The following MAN1A2 variants were observed in gnomAD, a reference collection of about 807,000 sequenced individuals.
MAN1A2 encodes mannosyl-oligosaccharide 1,2-alpha-mannosidase IB.
In MAN1A2, 26 loss-of-function variants were observed where a neutral mutation model predicts 75.7. The observed-to-expected ratio is 0.34, with a 90% CI of 0.25 to 0.48. The LOEUF is 0.48. MAN1A2 is among the 20% of genes least tolerant of loss of function. The probability of loss-of-function intolerance (pLI) is 0.99; values close to 1 mark genes in which losing one functional copy is unlikely to be tolerated. For synonymous variants in MAN1A2, 247 were observed against 264.6 expected (o/e 0.93, Z 0.65); for missense variants, 562 against 775.5 (o/e 0.72, Z 3.27).
At chr1:117,504,941 C>T (rs549887402) in intron 12 of MAN1A2, among the ~76,000 whole-genome samples, 5 of 151,236 alleles carry the variant, frequency 3.3e-5, no homozygotes, top group Non-Finnish European at 7.4e-5. Flanking sequence ...AATAGTTTAG[C>T]CCATTATTGG....
intron 6 of MAN1A2, among the ~76,000 whole-genome samples, chr1:117,458,523 A>ATTTTTTTTTTTTTTTTTTTTTTTTTTTTT (rs5777311): frequency 9.5e-6 from 1 of 105,610 alleles, no homozygotes; most frequent in African/African-American, 3.5e-5. Flanking sequence ...ATATATATAT[A>ATTTTTTTTTTTTTTTTTTTTTTTTTTTTT]TTTTTTTTTT....
chr1:117,511,609 G>T (rs1042340061), intron 12 of MAN1A2, among the ~76,000 whole-genome samples: 1 of 151,968 alleles, frequency 6.6e-6, no homozygotes, highest in African/African-American at 2.4e-5. Context: ...TATTGAATTT[G>T]TTGATAAATT....
At chr1:117,470,619 A>G (rs1467072638) in intron 8 of MAN1A2, among the ~76,000 whole-genome samples, 1 of 152,050 alleles carries the variant, frequency 6.6e-6, no homozygotes, top group Non-Finnish European at 1.5e-5. Context: ...AGAAAGAGCT[A>G]TTCACTGGTT....
At chr1:117,446,625 TA>T (rs1174817911) in intron 6 of MAN1A2, among the ~76,000 whole-genome samples, 2 of 152,164 alleles carry the variant, frequency 1.3e-5, no homozygotes, top group Admixed American at 6.5e-5. Flanking sequence ...ATTTCTAATT[TA>T]ATTTCATTGT....
At chr1:117,475,219 G>A (rs1650279417) in intron 8 of MAN1A2, among the ~76,000 whole-genome samples, 1 of 151,868 alleles carries the variant, frequency 6.6e-6, no homozygotes, top group East Asian at 1.9e-4. Context: ...AGATGTGTAT[G>A]TTTAACTTTT....
At chr1:117,476,378 A>G (rs1047137588) in intron 8 of MAN1A2, among the ~76,000 whole-genome samples, 12 of 151,944 alleles carry the variant, frequency 7.9e-5, no homozygotes, top group Non-Finnish European at 1.5e-4. Context: ...CCCATTTGTC[A>G]GTTTGGGCTT....
chr1:117,447,046 G>T (rs527568873), intron 6 of MAN1A2, among the ~76,000 whole-genome samples: 2 of 152,134 alleles, frequency 1.3e-5, no homozygotes, highest in African/African-American at 4.8e-5. Context: ...TTTTTGTCTT[G>T]AAGTTTATCA....
chr1:117,417,137 A>G (rs1359641466), intron 4 of MAN1A2, among the ~76,000 whole-genome samples: 1 of 152,182 alleles, frequency 6.6e-6, no homozygotes, highest in Non-Finnish European at 1.5e-5. Flanking sequence ...CAACTCCCAT[A>G]TACCAAAGTA....
At chr1:117,402,130 G>C (rs1647451734) in intron 1 of MAN1A2, 56 bp from the exon 2 acceptor site, 2 of 1,513,158 alleles carry the variant, frequency 1.3e-6, no homozygotes, top group Non-Finnish European at 1.8e-6. Flanking sequence ...TATATTTAAA[G>C]GTTGACATTC....
chr1:117,393,974 C>G (rs1454967739), intron 1 of MAN1A2, among the ~76,000 whole-genome samples: 1 of 152,062 alleles, frequency 6.6e-6, no homozygotes, highest in Non-Finnish European at 1.5e-5. Context: ...TTACTGAGTA[C>G]CTGCTGTCTG....
intron 3 of MAN1A2, among the ~76,000 whole-genome samples, chr1:117,413,867 G>T (rs1056633854): frequency 1.3e-5 from 2 of 151,852 alleles, no homozygotes; most frequent in Non-Finnish European, 2.9e-5. Context: ...TGTACTACTA[G>T]ATTTTTTACT....
rs10923329 is a variant in MAN1A2, at chr1:117,513,849, A to G, written c.1794-8976A>G. 3.8e-3 allele frequency among the ~76,000 whole-genome samples: 582 copies of G among 152,268 alleles called. 6 individuals are homozygous for G. Among genetic ancestry groups the G allele is most frequent in the African/African-American group, 0.013 (553 of 41,552 alleles). On this transcript the variant is annotated intron_variant, in intron 12 of 12. Coordinates refer to ENST00000356554, the MANE Select transcript of MAN1A2 (RefSeq NM_006699.5). ...TCTTCTAGTTCTTCCTTTGCAAACAATTTTACTAAGCAAGTTATTCTTGAT... is the reference window on the plus strand; with the variant it reads ...TCTTCTAGTTCTTCCTTTGCAAACAGTTTTACTAAGCAAGTTATTCTTGAT...
chr1:117,406,117 T>C (rs1229746263), intron 3 of MAN1A2, among the ~76,000 whole-genome samples: 1 of 152,124 alleles, frequency 6.6e-6, no homozygotes, highest in Non-Finnish European at 1.5e-5. Context: ...TAAGGAAAAA[T>C]TAACAATGTG....
At chr1:117,373,729 A>G (rs1323978326) in intron 1 of MAN1A2, among the ~76,000 whole-genome samples, 2 of 152,102 alleles carry the variant, frequency 1.3e-5, no homozygotes, top group African/African-American at 4.8e-5. Flanking sequence ...CCTGTGTTCA[A>G]GTAATCCTTT....
rs943017369 is a variant in MAN1A2, at chr1:117,368,516, C to T, written c.302+31C>T. 3.9e-6 allele frequency: 6 copies of T among 1,554,930 alleles called. No homozygotes were observed. In the South Asian group the frequency reaches 4.9e-5, roughly 13 times the overall value. On this transcript the variant is annotated intron_variant, in intron 1 of 12. Transcript: ENST00000356554. ...TTTATTTCAGAAGTTCTGGTACTAA[C>T]ATTTGGCAGAGCAAGGTACGGTGAT...
intron 5 of MAN1A2, among the ~76,000 whole-genome samples, chr1:117,439,368 C>CA (rs1648950845): frequency 6.6e-6 from 1 of 151,992 alleles, no homozygotes; most frequent in Non-Finnish European, 1.5e-5. Flanking sequence ...GAATAGGCTG[C>CA]AAAAATATTA....
chr1:117,526,510 T>C lies in MAN1A2; in HGVS notation c.*3553T>C, dbSNP rs1280689400. The C allele has an allele frequency of 6.6e-6, 1 of 151,802 alleles. No individual in the cohort carries two copies. The highest frequency in any genetic ancestry group is 2.4e-5 in the African/African-American group (1 of 41,412). The allele number at this position is 151,802 out of a possible 1,614,324, so 9.4% of individuals were successfully genotyped here. A position where few individuals can be genotyped will look rare whatever the true frequency, so the allele number is the denominator to read the frequency against. ...AAATGTCAAAGAAATACTTGATTTC[T>C]GATGCAACTTTGACTAAAATATTTA... On this transcript the variant is annotated 3_prime_UTR_variant, in exon 13 of 13. Coordinates refer to ENST00000356554, the MANE Select transcript of MAN1A2 (RefSeq NM_006699.5).
chr1:117,523,055 A>G lies in MAN1A2; in HGVS notation c.*98A>G, dbSNP rs191050915. 130 of 1,274,996 alleles carry G rather than the reference A, an allele frequency of 1.0e-4. No homozygotes were observed. The East Asian group carries it at 2.9e-3, about 28-fold the overall frequency. 79.0% of individuals were successfully genotyped at this position (1,274,996 alleles called of 1,614,324 possible). A position where few individuals can be genotyped will look rare whatever the true frequency, so the allele number is the denominator to read the frequency against. ...GCGGCTTTTGAAAACCTGGACCTCTATGTCAACATGACAGGGTGAAACTAT... is the reference window on the plus strand; with the variant it reads ...GCGGCTTTTGAAAACCTGGACCTCTGTGTCAACATGACAGGGTGAAACTAT... On this transcript the variant is annotated 3_prime_UTR_variant, in exon 13 of 13. Coordinates refer to ENST00000356554, the MANE Select transcript of MAN1A2 (RefSeq NM_006699.5).
chr1:117,500,261 A>G (rs1651159461), intron 11 of MAN1A2, among the ~76,000 whole-genome samples: 1 of 151,884 alleles, frequency 6.6e-6, no homozygotes, highest in Non-Finnish European at 1.5e-5. Context: ...CCTCCCCGTA[A>G]TACACACTCT....
Sources: gnomAD v4.1 joint callset for allele counts (sites outside exome capture counted in the v4.1 genomes callset) on GRCh38, gnomAD v4.1.1 for gene constraint, MANE v1.5 for transcripts, NCBI Gene and HGNC (gene_info 2026-07-23, HGNC 2026-07-21) for gene names.